The following RCSD1 variants were observed in gnomAD, a reference collection of about 807,000 sequenced individuals.
The protein encoded by RCSD1 is RCSD domain containing 1, also known as capZ-interacting protein.
In RCSD1, 26 loss-of-function variants were observed where a neutral mutation model predicts 42.5. The ratio of observed to expected loss-of-function variants is 0.61; its 90% CI spans 0.45 to 0.85. RCSD1 has a LOEUF of 0.85. Among genes scored for constraint, RCSD1 ranks in the 40% least tolerant of loss-of-function variants. The probability of loss-of-function intolerance (pLI) is 0.00; values close to 1 mark genes in which losing one functional copy is unlikely to be tolerated. For synonymous variants in RCSD1, 220 were observed against 212.2 expected, an observed-to-expected ratio of 1.04 and a Z score of -0.32; for missense variants, 571 against 528.3, an observed-to-expected ratio of 1.08 and a Z score of -0.79.
intron 6 of RCSD1, among the ~76,000 whole-genome samples, chr1:167,698,258 A>G (rs749942582): frequency 6.6e-6 from 1 of 152,240 alleles, no homozygotes; most frequent in Non-Finnish European, 1.5e-5. Flanking sequence ...AGTTTAGCAC[A>G]TGAGACCAGC....
chr1:167,701,077 C>A (rs1026772921), intron 6 of RCSD1, among the ~76,000 whole-genome samples: 2 of 152,132 alleles, frequency 1.3e-5, no homozygotes, highest in Non-Finnish European at 2.9e-5. Flanking sequence ...CCAACAGAGC[C>A]TTGGGCAGGG....
At chr1:167,668,258 C>G (rs1658708485) in intron 1 of RCSD1, among the ~76,000 whole-genome samples, 1 of 151,914 alleles carries the variant, frequency 6.6e-6, no homozygotes, top group South Asian at 2.1e-4. Context: ...GCACTCCAGC[C>G]TGGGCAACAG....
At chr1:167,687,522 CAA>C (rs111700732) in intron 3 of RCSD1, among the ~76,000 whole-genome samples, 18 of 88,486 alleles carry the variant, frequency 2.0e-4, no homozygotes, top group Admixed American at 2.6e-4. Flanking sequence ...GACTCCGTCT[CAA>C]AAAAAAAAAA....
chr1:167,674,731 G>T (rs764826632), intron 1 of RCSD1, among the ~76,000 whole-genome samples: 3 of 152,126 alleles, frequency 2.0e-5, no homozygotes, highest in Non-Finnish European at 4.4e-5. Context: ...ATAATATGTG[G>T]TCTTTTGTGA....
At chr1:167,644,301 G>A (rs977357429) in intron 1 of RCSD1, among the ~76,000 whole-genome samples, 8 of 152,128 alleles carry the variant, frequency 5.3e-5, no homozygotes, top group Non-Finnish European at 1.2e-4. Flanking sequence ...CCAACATGGA[G>A]AAACCCTTTC....
At chr1:167,661,588 C>T (rs1571685770) in intron 1 of RCSD1, among the ~76,000 whole-genome samples, 1 of 152,242 alleles carries the variant, frequency 6.6e-6, no homozygotes, top group Non-Finnish European at 1.5e-5. Context: ...CCTGCAAAAG[C>T]CACAGCAGCC....
At chr1:167,660,403 G>C (rs1658514068) in intron 1 of RCSD1, among the ~76,000 whole-genome samples, 1 of 151,708 alleles carries the variant, frequency 6.6e-6, no homozygotes, top group Admixed American at 6.6e-5. Context: ...AACCTGTGCT[G>C]CTCCTTGGGC....
intron 6 of RCSD1, among the ~76,000 whole-genome samples, chr1:167,699,266 T>C (rs1659585802): frequency 6.6e-6 from 1 of 152,236 alleles, no homozygotes; most frequent in Non-Finnish European, 1.5e-5. Flanking sequence ...ACAAACTTGG[T>C]GGCTCAAAAC....
intron 1 of RCSD1, among the ~76,000 whole-genome samples, chr1:167,673,446 A>C (rs924348266): frequency 6.6e-6 from 1 of 152,232 alleles, no homozygotes; most frequent in African/African-American, 2.4e-5. Context: ...AGCACTTCCC[A>C]TGTGCTCAGT....
rs1171735672 is a variant in RCSD1 at position 167,630,277 on chromosome 1, G to GC, written c.-146dup. 4 of 697,766 alleles carry GC rather than the reference G, an allele frequency of 5.7e-6. No homozygotes were observed. The highest frequency in any genetic ancestry group is 2.0e-5 in the African/African-American group (1 of 51,208). 43.2% of individuals were successfully genotyped at this position (697,766 alleles called of 1,614,324 possible). ...GGCCGGGGCAGTCCCGCAGCCGAGC[G>GC]CAGCCGGGCGCGCGCCACCGCCCAC... On this transcript the variant is annotated 5_prime_UTR_variant, in exon 1 of 7. Coordinates refer to ENST00000367854, the MANE Select transcript of RCSD1 (RefSeq NM_052862.4).
chr1:167,684,617 G>A (rs752625309), intron 2 of RCSD1, among the ~76,000 whole-genome samples: 2 of 152,138 alleles, frequency 1.3e-5, no homozygotes, highest in Non-Finnish European at 2.9e-5. Context: ...GCTCACGCCT[G>A]TAATTTCAGC....
chr1:167,679,316 C>G (rs574902225), intron 1 of RCSD1, among the ~76,000 whole-genome samples: 47 of 152,274 alleles, frequency 3.1e-4, no homozygotes, highest in African/African-American at 1.1e-3. Flanking sequence ...ACAGTGCCTC[C>G]CACATAGGAG....
chr1:167,666,127 A>T (rs996665727), intron 1 of RCSD1, among the ~76,000 whole-genome samples: 5 of 152,204 alleles, frequency 3.3e-5, no homozygotes, highest in African/African-American at 1.2e-4. Context: ...AGCACTTTTT[A>T]ATCCCAAAAC....
chr1:167,663,873 A>G (rs1658594866), intron 1 of RCSD1: 1 of 152,250 alleles, frequency 6.6e-6, no homozygotes, highest in South Asian at 2.1e-4. Context: ...TGTGCCAGGC[A>G]CTGTGCTGGG....
chr1:167,643,328 G>A (rs564205643), intron 1 of RCSD1, among the ~76,000 whole-genome samples: 1 of 152,164 alleles, frequency 6.6e-6, no homozygotes, highest in Admixed American at 6.6e-5. Context: ...GGGTGACATT[G>A]GTGCACATGA....
At position 167,697,342 on chromosome 1, in the gene RCSD1, A is replaced by T; in HGVS notation, c.718A>T (p.Arg240Trp). ...GGGACCTGCTGAAAAGCCTCCTCTG[A>T]GGAGGTCACCCAGCAGGACAGAGAA... Reference protein sequence around the residue: ...TLGPAEKPPLRRSPSRTEKQE... With the variant: ...TLGPAEKPPLWRSPSRTEKQE... The change falls in exon 6 of 7, where the codon AGG (arginine) becomes TGG (tryptophan). Residue 240 changes from arginine to tryptophan, a missense_variant. Physicochemically the swap from Arg to Trp is moderately radical, Grantham distance 101 (BLOSUM62 -3). Coordinates refer to ENST00000367854, the MANE Select transcript of RCSD1 (RefSeq NM_052862.4). 6.2e-7 allele frequency: 1 copy of T among 1,614,006 alleles called. No individual in the cohort carries two copies. The highest frequency in any genetic ancestry group is 8.5e-7 in the Non-Finnish European group (1 of 1,179,964).
At chr1:167,702,718 G>T (rs1659672236) in intron 6 of RCSD1, among the ~76,000 whole-genome samples, 2 of 152,204 alleles carry the variant, frequency 1.3e-5, no homozygotes, top group South Asian at 2.1e-4. Flanking sequence ...GGTGGAGGTT[G>T]CAGTGACCTG....
chr1:167,681,146 T>C (rs1009217782), intron 1 of RCSD1, among the ~76,000 whole-genome samples: 7 of 152,262 alleles, frequency 4.6e-5, no homozygotes, highest in African/African-American at 1.7e-4. Flanking sequence ...AATAATAATG[T>C]TGAGATTTGT....
intron 1 of RCSD1, 67 bp from the exon 2 acceptor site, chr1:167,683,833 A>G: frequency 7.0e-7 from 1 of 1,425,618 alleles, no homozygotes; most frequent in Non-Finnish European, 9.8e-7. Context: ...CAGCCACAAA[A>G]CAGGTGCCTT....
Sources: allele counts gnomAD v4.1 joint callset (sites outside exome capture counted in the v4.1 genomes callset), GRCh38; gene constraint gnomAD v4.1.1; transcripts MANE v1.5; gene names NCBI Gene and HGNC (gene_info 2026-07-23, HGNC 2026-07-21).